The following SGK3 variants were observed in gnomAD, a reference collection of about 807,000 sequenced individuals.
SGK3 encodes serum/glucocorticoid regulated kinase family member 3, also known as serine/threonine-protein kinase Sgk3.
A neutral mutation model predicts 68.5 loss-of-function variants in SGK3; 47 were observed. That is an observed-to-expected ratio of 0.69 (90% CI 0.54 to 0.87). The LOEUF (loss-of-function observed/expected upper bound fraction) is 0.87, where lower values mean the gene tolerates loss of function less well. Ranked by LOEUF, SGK3 falls within the 40% of genes least tolerant of loss-of-function variation. SGK3 has a pLI of 0.00. For missense variants in SGK3, 479 were observed against 575.5 expected, an observed-to-expected ratio of 0.83 and a Z score of 1.72; for synonymous variants, 181 against 189.1, an observed-to-expected ratio of 0.96 and a Z score of 0.35.
At chr8:66,729,210 AC>A (rs1398715631) in intron 1 of SGK3, among the ~76,000 whole-genome samples, 2 of 145,584 alleles carry the variant, frequency 1.4e-5, no homozygotes, top group Non-Finnish European at 3.0e-5. Context: ...TAATCCCAGC[AC>A]TTTGGGAGGC....
Position 66,842,336 on chromosome 8 carries a change from T to TG in SGK3, c.979-1116_979-1115insG, listed in dbSNP as rs375565408. On this transcript the variant is annotated intron_variant, in intron 13 of 16. Transcript: ENST00000521198. Reference sequence around the variant, plus strand: ...CCCAGGTTCACGCCATTCTCCTGCCTCAGCCCCCCGAGTAGCTGGGACTAC... The same window carrying TG: ...CCCAGGTTCACGCCATTCTCCTGCCTGCAGCCCCCCGAGTAGCTGGGACTAC... Among the ~76,000 whole-genome samples, 1,225 of 151,660 alleles carry TG rather than the reference T, an allele frequency of 8.1e-3. 15 individuals carry two copies. Among genetic ancestry groups the TG allele is most frequent in the African/African-American group, 0.028 (1,154 of 41,342 alleles).
At chr8:66,714,659 G>A (rs184666595) in intron 1 of SGK3, among the ~76,000 whole-genome samples, 24 of 152,286 alleles carry the variant, frequency 1.6e-4, no homozygotes, top group African/African-American at 5.5e-4. Flanking sequence ...ACAGGCATTA[G>A]TGTCATTTGT....
intron 8 of SGK3, among the ~76,000 whole-genome samples, chr8:66,833,518 T>C (rs1456661088): frequency 7.9e-5 from 12 of 152,206 alleles, no homozygotes; most frequent in Non-Finnish European, 1.8e-4. Context: ...AATCAACATA[T>C]CAATTTCTGC....
intron 4 of SGK3, among the ~76,000 whole-genome samples, chr8:66,806,742 G>T (rs990979354): frequency 6.6e-6 from 1 of 151,124 alleles, no homozygotes; most frequent in Non-Finnish European, 1.5e-5. Context: ...GAATCCAGGA[G>T]TCGGAGGTTG....
At chr8:66,832,774 A>G (rs1400262363) in intron 8 of SGK3, among the ~76,000 whole-genome samples, 1 of 151,896 alleles carries the variant, frequency 6.6e-6, no homozygotes, top group African/African-American at 2.4e-5. Flanking sequence ...TGGAAACTTC[A>G]TGTTTAGATC....
At chr8:66,824,076 T>C (rs1808957368) in intron 6 of SGK3, among the ~76,000 whole-genome samples, 1 of 152,144 alleles carries the variant, frequency 6.6e-6, no homozygotes, top group Non-Finnish European at 1.5e-5. Flanking sequence ...TATTCCTTTT[T>C]TGTGACTACT....
chr8:66,739,264 G>A (rs1805413672), intron 1 of SGK3, among the ~76,000 whole-genome samples: 1 of 152,140 alleles, frequency 6.6e-6, no homozygotes, highest in African/African-American at 2.4e-5. Flanking sequence ...ATGTGAAAAG[G>A]AGCCAAATAT....
intron 1 of SGK3, among the ~76,000 whole-genome samples, chr8:66,758,595 AAAAC>A (rs1275696902): frequency 6.6e-6 from 1 of 152,146 alleles, no homozygotes; most frequent in East Asian, 1.9e-4. Context: ...TAGTTGGAAA[AAAAC>A]AGGGTATTTT....
intron 10 of SGK3, among the ~76,000 whole-genome samples, chr8:66,836,458 A>T (rs542934956): frequency 2.4e-4 from 37 of 152,280 alleles, no homozygotes; most frequent in Non-Finnish European, 4.7e-4. Flanking sequence ...TATTAATCAG[A>T]TGAGATAATC....
At chr8:66,736,399 T>C (rs539200705) in intron 1 of SGK3, among the ~76,000 whole-genome samples, 1 of 152,278 alleles carries the variant, frequency 6.6e-6, no homozygotes, top group African/African-American at 2.4e-5. Flanking sequence ...ATAGGTTATA[T>C]GCAAATACTG....
chr8:66,831,042 T>C (rs1809282195), intron 7 of SGK3, among the ~76,000 whole-genome samples: 1 of 152,234 alleles, frequency 6.6e-6, no homozygotes, highest in Admixed American at 6.5e-5. Context: ...CTTAAAGTTA[T>C]GAAATGTTTT....
At chr8:66,739,972 C>T (rs1805433247) in intron 1 of SGK3, among the ~76,000 whole-genome samples, 1 of 152,184 alleles carries the variant, frequency 6.6e-6, no homozygotes, top group Admixed American at 6.5e-5. Context: ...GTCCCTCCCA[C>T]AACATGTGGG....
intron 2 of SGK3, among the ~76,000 whole-genome samples, chr8:66,794,992 T>G (rs944862489): frequency 5.3e-5 from 8 of 152,214 alleles, no homozygotes; most frequent in African/African-American, 1.4e-4. Context: ...CCTTGGCCCT[T>G]GATAGCTGTA....
chr8:66,799,254 G>A (rs995867465), intron 3 of SGK3, among the ~76,000 whole-genome samples: 1 of 152,184 alleles, frequency 6.6e-6, no homozygotes, highest in African/African-American at 2.4e-5. Context: ...AAAGAGCCAG[G>A]CACGATGGTT....
Position 66,840,003 on chromosome 8 carries a change from C to CA in SGK3, c.742_743insA (p.Leu248HisfsTer13). 2 of 1,612,854 alleles carry CA rather than the reference C, an allele frequency of 1.2e-6. No homozygotes were observed. The highest frequency in any genetic ancestry group is 1.7e-6 in the Non-Finnish European group (2 of 1,179,604). ...CCCACCCCCACAACCAATTTGACAG[C>CA]TTTTTTTCCACTTACAAAGAGAACG... On this transcript the variant is annotated frameshift_variant and splice_region_variant, in exon 11 of 17. Transcript: ENST00000521198. LOFTEE classifies it high-confidence loss of function.
chr8:66,764,808 A>G (rs1264591283), intron 1 of SGK3, among the ~76,000 whole-genome samples: 1 of 152,234 alleles, frequency 6.6e-6, no homozygotes, highest in East Asian at 1.9e-4. Flanking sequence ...TAAGAACTGT[A>G]TGATTCCATT....
intron 1 of SGK3, among the ~76,000 whole-genome samples, chr8:66,716,331 A>G (rs1398334288): frequency 1.3e-5 from 2 of 152,180 alleles, no homozygotes; most frequent in Non-Finnish European, 2.9e-5. Flanking sequence ...CAATGTGGAA[A>G]TCAGATGTTG....
chr8:66,746,238 C>T (rs1805652408), intron 1 of SGK3, among the ~76,000 whole-genome samples: 1 of 152,194 alleles, frequency 6.6e-6, no homozygotes, highest in Non-Finnish European at 1.5e-5. Context: ...TCTGCCTGTT[C>T]TCCACTCTTC....
intron 1 of SGK3, chr8:66,790,914 C>G (rs920196804): frequency 4.6e-5 from 7 of 152,164 alleles, no homozygotes; most frequent in Admixed American, 3.3e-4. Context: ...AATACACATT[C>G]CATTTTTGAG....
Sources: allele counts gnomAD v4.1 joint callset (sites outside exome capture counted in the v4.1 genomes callset), GRCh38; gene constraint gnomAD v4.1.1; transcripts MANE v1.5; gene names NCBI Gene and HGNC (gene_info 2026-07-23, HGNC 2026-07-21).